Variants in ANK2 observed in about 807,000 individuals in gnomAD.
ANK2 encodes the protein ankyrin-2.
In ANK2, 83 loss-of-function variants were observed where a neutral mutation model predicts 360.5. That is an observed-to-expected ratio of 0.23 (90% CI 0.19 to 0.28). ANK2 has a LOEUF of 0.28. Ranked by LOEUF, ANK2 falls within the 10% of genes least tolerant of loss-of-function variation. The probability of loss-of-function intolerance (pLI) is 1.00; values close to 1 mark genes in which losing one functional copy is unlikely to be tolerated. For missense variants in ANK2, 4,201 were observed against 4,795.7 expected, an observed-to-expected ratio of 0.88 and a Z score of 3.66; for synonymous variants, 1,740 against 1,759.5, an observed-to-expected ratio of 0.99 and a Z score of 0.28.
intron 2 of ANK2, among the ~76,000 whole-genome samples, chr4:112,943,129 C>G (rs959630207): frequency 6.6e-6 from 1 of 151,988 alleles, no homozygotes; most frequent in African/African-American, 2.4e-5. Flanking sequence ...AGGGGCGTGG[C>G]AGAGTCTAAA....
At chr4:112,814,203 A>G (rs575040849), upstream of ANK2, among the ~76,000 whole-genome samples, 1 of 152,340 alleles carries the variant, frequency 6.6e-6, no homozygotes, top group African/African-American at 2.4e-5. Flanking sequence ...CGCATCCTTT[A>G]ATTCAATAGT....
At chr4:112,813,440 G>A (rs1015391238), upstream of ANK2, among the ~76,000 whole-genome samples, 3 of 151,964 alleles carry the variant, frequency 2.0e-5, no homozygotes, top group African/African-American at 7.2e-5. Context: ...ATGTGGACAA[G>A]CAATTCTTAA....
At position 113,359,162 on chromosome 4, in the gene ANK2, T is replaced by G. The variant is rs1564068486; in HGVS notation, c.10544T>G (p.Val3515Gly). 6.2e-7 allele frequency: 1 copy of G among 1,613,516 alleles called. No homozygotes were observed. Among genetic ancestry groups the G allele is most frequent in the East Asian group, 2.2e-5 (1 of 44,864 alleles). The stretch of plus-strand genomic sequence containing the variant: ...AGTAGTAGTGCCCTGGAAGTATCAG[T>G]AATTGAAAATCTGCCACCTGTTGAG... Reference protein sequence around the residue: ...DESSSALEVSVIENLPPVETE... With the variant: ...DESSSALEVSGIENLPPVETE... Residue 3515 changes from valine (V) to glycine (G), a missense_variant, in exon 38 of 46, where the codon GTA becomes GGA. Around this residue, in one of 4 missense-constraint regions of ANK2, gnomAD observed 2,642 missense variants for 2,714.5 expected, o/e 0.97. Coordinates refer to ENST00000357077, the MANE Select transcript of ANK2 (RefSeq NM_001148.6).
chr4:113,069,329 C>T (rs1225809276), intron 1 of ANK2, among the ~76,000 whole-genome samples: 1 of 152,164 alleles, frequency 6.6e-6, no homozygotes, highest in South Asian at 2.1e-4. Context: ...AATTTATTGG[C>T]ACGAACTACC....
intron 1 of ANK2, among the ~76,000 whole-genome samples, chr4:113,145,057 G>A (rs967364972): frequency 6.6e-6 from 1 of 151,740 alleles, no homozygotes; most frequent in Non-Finnish European, 1.5e-5. Flanking sequence ...GTAAAGCTGG[G>A]GAAAACATTT....
chr4:112,731,148 A>AT, the ANK2 span, among the ~76,000 whole-genome samples: 13 of 150,654 alleles, frequency 8.6e-5, no homozygotes, highest in Non-Finnish European at 1.6e-4. Flanking sequence ...TAAAAAAAAA[A>AT]GGCTGAGTGG....
At chr4:113,197,390 T>C (rs996151243) in intron 3 of ANK2, among the ~76,000 whole-genome samples, 4 of 152,192 alleles carry the variant, frequency 2.6e-5, no homozygotes, top group Non-Finnish European at 5.9e-5. Context: ...AACAGACATT[T>C]AAAAAACTAT....
At chr4:112,988,225 A>G (rs1455521207) in intron 2 of ANK2, among the ~76,000 whole-genome samples, 1 of 152,268 alleles carries the variant, frequency 6.6e-6, no homozygotes, top group Non-Finnish European at 1.5e-5. Context: ...GGAATGCAGC[A>G]TTAAATGAAA....
In ANK2 at chr4:113,354,187, G is replaced by C. The variant is rs2095592739; in HGVS notation, c.5569G>C (p.Val1857Leu). ...PSSKTEKHSP[V>L]SPSAKTERHS... ...AAGTAAAACTGAGAAACACTCACCT[G>C]TGTCACCCTCTGCAAAAACGGAAAG... Residue 1857 changes from valine to leucine, a missense_variant, in exon 38 of 46, where the codon GTG becomes CTG. This residue lies in a region of ANK2 where 2,642 missense variants were observed against 2,714.5 expected (regional missense o/e 0.97). Transcript: ENST00000357077. 1 of 1,613,956 alleles carries C rather than the reference G, an allele frequency of 6.2e-7. No individual in the cohort carries two copies. The highest frequency in any genetic ancestry group is 8.5e-7 in the Non-Finnish European group (1 of 1,179,928).
the ANK2 span, among the ~76,000 whole-genome samples, chr4:112,729,975 G>A: frequency 6.6e-6 from 1 of 152,046 alleles, no homozygotes; most frequent in African/African-American, 2.4e-5. Flanking sequence ...AGAGTAGAAT[G>A]TTAGTTATCA....
intron 4 of ANK2, among the ~76,000 whole-genome samples, chr4:113,205,974 A>C (rs2098941747): frequency 6.6e-6 from 1 of 152,100 alleles, no homozygotes; most frequent in Non-Finnish European, 1.5e-5. Context: ...ACACACATAC[A>C]CACACAGTGT....
chr4:113,333,294 G>GTT, intron 29 of ANK2, 86 bp downstream of exon 29: 1 of 1,446,094 alleles, frequency 6.9e-7, no homozygotes, highest in Non-Finnish European at 9.6e-7. Context: ...AGGGGTGTGT[G>GTT]TATATGTGTG....
chr4:112,810,147 ATATATATATATATTTTTTTTT>A, the ANK2 span, among the ~76,000 whole-genome samples: 455 of 61,086 alleles, frequency 7.4e-3, 9 homozygotes, highest in Middle Eastern at 0.03. Flanking sequence ...ATATATATAT[ATATATATATATATTTTTTTTT>A]TTTTTTTTTT....
chr4:112,889,578 T>C (rs1580591468), intron 1 of ANK2, among the ~76,000 whole-genome samples: 1 of 151,974 alleles, frequency 6.6e-6, no homozygotes, highest in East Asian at 1.9e-4. Context: ...TTTTTTTGAC[T>C]GGGTTCCTAA....
chr4:113,120,771 C>T (rs1278236206), intron 1 of ANK2, among the ~76,000 whole-genome samples: 1 of 152,058 alleles, frequency 6.6e-6, no homozygotes, highest in African/African-American at 2.4e-5. Context: ...AACCTGCATC[C>T]TCCAATAAGC....
chr4:112,714,805 G>T, the ANK2 span, among the ~76,000 whole-genome samples: 2 of 152,158 alleles, frequency 1.3e-5, no homozygotes, highest in Admixed American at 6.5e-5. Flanking sequence ...TTTATAAAGG[G>T]GTATTATATG....
chr4:112,786,746 C>CTT, the ANK2 span, among the ~76,000 whole-genome samples: 61 of 108,914 alleles, frequency 5.6e-4, no homozygotes, highest in African/African-American at 7.8e-4. Flanking sequence ...TAAAATCAAA[C>CTT]TTTTTTTTTT....
At chr4:112,870,840 A>G (rs1165794074) in intron 1 of ANK2, among the ~76,000 whole-genome samples, 1 of 152,194 alleles carries the variant, frequency 6.6e-6, no homozygotes, top group Non-Finnish European at 1.5e-5. Context: ...AGGCACTGGA[A>G]TTTTGATAGT....
At chr4:113,215,413 TTAGATA>T (rs1244365878) in intron 4 of ANK2, among the ~76,000 whole-genome samples, 1 of 152,192 alleles carries the variant, frequency 6.6e-6, no homozygotes, top group East Asian at 1.9e-4. Context: ...TTTCTAATCA[TTAGATA>T]TATTTGTATT....
Sources: gnomAD v4.1 joint callset for allele counts (sites outside exome capture counted in the v4.1 genomes callset) on GRCh38, gnomAD v4.1.1 for gene constraint, gnomAD v4.1.1 regional missense constraint, MANE v1.5 for transcripts, NCBI Gene and HGNC (gene_info 2026-07-23, HGNC 2026-07-21) for gene names.